Variants in SDC1 observed in about 807,000 individuals in gnomAD.
The protein encoded by SDC1 is syndecan-1.
In SDC1, 14 loss-of-function variants were observed where a neutral mutation model predicts 29.7. That is an observed-to-expected ratio of 0.47 (90% CI 0.31 to 0.74). The LOEUF (loss-of-function observed/expected upper bound fraction) is 0.74, where lower values mean the gene tolerates loss of function less well. Ranked by LOEUF, SDC1 falls within the 30% of genes least tolerant of loss-of-function variation. The pLI is 0.05. For missense variants in SDC1, 406 were observed against 400.3 expected (o/e 1.01, Z -0.12); for synonymous variants, 204 against 175.5 (o/e 1.16, Z -1.29).
At chr2:20,206,936 T>C (rs926745461) in intron 1 of SDC1, among the ~76,000 whole-genome samples, 11 of 152,156 alleles carry the variant, frequency 7.2e-5, no homozygotes, top group Non-Finnish European at 1.6e-4. Flanking sequence ...GGGAGGTAGA[T>C]AAAGTTTCAT....
At chr2:20,223,797 C>G (rs116829071) in intron 1 of SDC1, among the ~76,000 whole-genome samples, 2,331 of 152,206 alleles carry the variant, frequency 0.015, 62 homozygotes, top group African/African-American at 0.053. Flanking sequence ...GGCGGGAGAG[C>G]CACTTTCTGG....
chr2:20,203,343 G>T, intron 3 of SDC1, 121 bp from the exon 4 acceptor site: 2 of 1,196,106 alleles, frequency 1.7e-6, no homozygotes, highest in Non-Finnish European at 2.3e-6. Flanking sequence ...CCACTCAGAT[G>T]CACCCAAACC....
chr2:20,222,544 G>A (rs1677856364), intron 1 of SDC1, among the ~76,000 whole-genome samples: 1 of 152,136 alleles, frequency 6.6e-6, no homozygotes, highest in Admixed American at 6.5e-5. Context: ...AAGCTCAGGT[G>A]GGGCTTTCAG....
chr2:20,211,468 A>G (rs1677462586), intron 1 of SDC1, among the ~76,000 whole-genome samples: 1 of 152,252 alleles, frequency 6.6e-6, no homozygotes, highest in Non-Finnish European at 1.5e-5. Flanking sequence ...TCGCATAGAT[A>G]GCACACCACG....
chr2:20,221,593 G>A (rs1234677782), intron 1 of SDC1, among the ~76,000 whole-genome samples: 1 of 152,130 alleles, frequency 6.6e-6, no homozygotes, highest in African/African-American at 2.4e-5. Context: ...AATACTCGAG[G>A]GTAATAGGGA....
chr2:20,212,809 C>T (rs1377318220), intron 1 of SDC1, among the ~76,000 whole-genome samples: 5 of 152,052 alleles, frequency 3.3e-5, no homozygotes, highest in Admixed American at 6.5e-5. Context: ...ACACTCTGGA[C>T]GGCACCCCCA....
At chr2:20,222,088 A>AACACACAC (rs3044220) in intron 1 of SDC1, among the ~76,000 whole-genome samples, 4 of 151,068 alleles carry the variant, frequency 2.6e-5, no homozygotes, top group Admixed American at 6.6e-5. Context: ...GACCACAGTA[A>AACACACAC]ACACACACAC....
chr2:20,208,405 CG>C (rs1558433718), intron 1 of SDC1, among the ~76,000 whole-genome samples: 2 of 152,214 alleles, frequency 1.3e-5, no homozygotes, highest in African/African-American at 2.4e-5. Flanking sequence ...CCCTGGCCTC[CG>C]GGGGCCTCTC....
intron 1 of SDC1, chr2:20,223,512 G>T (rs1488061015): frequency 3.1e-6 from 1 of 327,506 alleles, no homozygotes; most frequent in Non-Finnish European, 6.0e-6. Flanking sequence ...GGAAGGGGAA[G>T]CGCCCCTGGC....
At chr2:20,211,741 T>C (rs1322558102) in intron 1 of SDC1, among the ~76,000 whole-genome samples, 4 of 152,242 alleles carry the variant, frequency 2.6e-5, no homozygotes, top group Non-Finnish European at 5.9e-5. Flanking sequence ...GGTCCTGCTT[T>C]TCCAGGGGTA....
intron 1 of SDC1, among the ~76,000 whole-genome samples, chr2:20,219,240 C>G (rs1572473111): frequency 1.3e-5 from 2 of 152,214 alleles, no homozygotes; most frequent in East Asian, 3.9e-4. Context: ...CCACCCCTCC[C>G]CGAGATCCCC....
At chr2:20,218,542 C>T (rs553823798) in intron 1 of SDC1, among the ~76,000 whole-genome samples, 2 of 147,200 alleles carry the variant, frequency 1.4e-5, no homozygotes, top group African/African-American at 5.2e-5. Context: ...CACACACACA[C>T]AGACACACAC....
At chr2:20,222,161 T>C (rs980629728) in intron 1 of SDC1, among the ~76,000 whole-genome samples, 2 of 152,112 alleles carry the variant, frequency 1.3e-5, no homozygotes, top group African/African-American at 4.8e-5. Flanking sequence ...TTTAGTCTCT[T>C]GGGAGTGGTT....
Position 20,224,972 on chromosome 2 carries a change from G to A in SDC1, c.-105C>T. On this transcript the variant is annotated 5_prime_UTR_variant, in exon 1 of 5. Transcript: ENST00000254351. This position sits in a 1 kb window ranked among gnomAD's most constrained non-coding sequence, Gnocchi z 4.9. ...ATGCTCTCTTGGGCGCCTGCCCAGCGCGCCGCTGTCCCAGGCGAGGGCTGC... is the reference window on the plus strand; with the variant it reads ...ATGCTCTCTTGGGCGCCTGCCCAGCACGCCGCTGTCCCAGGCGAGGGCTGC... The A allele has an allele frequency of 1.7e-6, 2 of 1,175,816 alleles. No homozygotes were observed. Among genetic ancestry groups the A allele is most frequent in the Middle Eastern group, 3.4e-4 (1 of 2,906 alleles). The allele number at this position is 1,175,816 out of a possible 1,614,324, so 72.8% of individuals were successfully genotyped here.
At chr2:20,218,706 GAC>G (rs1044125910) in intron 1 of SDC1, among the ~76,000 whole-genome samples, 1 of 149,932 alleles carries the variant, frequency 6.7e-6, no homozygotes, top group African/African-American at 2.5e-5. Flanking sequence ...AACACAAAGA[GAC>G]AGACACATAG....
intron 1 of SDC1, among the ~76,000 whole-genome samples, chr2:20,208,684 A>G (rs375404512): frequency 3.6e-4 from 55 of 152,234 alleles, no homozygotes; most frequent in Admixed American, 1.0e-3. Context: ...CCTCCTGGGT[A>G]GCTCTCCCCA....
At chr2:20,215,570 GTCAGCC>G (rs1225150792) in intron 1 of SDC1, among the ~76,000 whole-genome samples, 4 of 152,350 alleles carry the variant, frequency 2.6e-5, no homozygotes, top group South Asian at 2.1e-4. Context: ...CTTCCCACAG[GTCAGCC>G]TCAGTGCTCC....
At chr2:20,216,869 C>G (rs1459622416) in intron 1 of SDC1, among the ~76,000 whole-genome samples, 1 of 152,250 alleles carries the variant, frequency 6.6e-6, no homozygotes, top group African/African-American at 2.4e-5. Context: ...CGCCAGAGTT[C>G]TGTCTCTCAG....
At chr2:20,208,961 C>G (rs1248965493) in intron 1 of SDC1, among the ~76,000 whole-genome samples, 2 of 152,176 alleles carry the variant, frequency 1.3e-5, no homozygotes, top group Admixed American at 1.3e-4. Flanking sequence ...AGCGCAGACC[C>G]TAGAAGCTCA....
Sources: gnomAD v4.1 joint callset for allele counts (sites outside exome capture counted in the v4.1 genomes callset) on GRCh38, gnomAD v4.1.1 for gene constraint, Gnocchi (gnomAD v3.1) non-coding constraint, MANE v1.5 for transcripts, NCBI Gene and HGNC (gene_info 2026-07-23, HGNC 2026-07-21) for gene names.